PBRM1: variants seen among roughly 807,000 people sequenced by gnomAD.
PBRM1 encodes protein polybromo-1.
Under a neutral mutation model 194.5 loss-of-function variants are expected in PBRM1, and 27 were observed. The ratio of observed to expected loss-of-function variants is 0.14; its 90% CI spans 0.10 to 0.19. The LOEUF (loss-of-function observed/expected upper bound fraction) is 0.19, where lower values mean the gene tolerates loss of function less well. Among genes scored for constraint, PBRM1 ranks in the 10% least tolerant of loss-of-function variants. The pLI is 1.00. For missense variants in PBRM1, 1,466 were observed against 2,077.2 expected (o/e 0.71, Z 5.72); for synonymous variants, 655 against 693.2 (o/e 0.94, Z 0.87).
chr3:52,682,875 C>T (rs891042546), upstream of PBRM1, among the ~76,000 whole-genome samples: 1 of 152,044 alleles, frequency 6.6e-6, no homozygotes, highest in Non-Finnish European at 1.5e-5. Context: ...GACTGGCCAA[C>T]GTGGTGAAAC....
intron 13 of PBRM1, among the ~76,000 whole-genome samples, chr3:52,625,816 G>C (rs1333189197): frequency 2.0e-5 from 3 of 152,038 alleles, no homozygotes; most frequent in Non-Finnish European, 4.4e-5. Flanking sequence ...GACCTCAAGT[G>C]ATCCACCTGG....
chr3:52,612,362 A>G (rs1280113570), intron 15 of PBRM1, among the ~76,000 whole-genome samples: 3 of 151,996 alleles, frequency 2.0e-5, no homozygotes, highest in African/African-American at 7.3e-5. Context: ...ATGATACAAC[A>G]TAAGGGCAGC....
chr3:52,637,098 T>C (rs1042637970), intron 10 of PBRM1, among the ~76,000 whole-genome samples: 1 of 152,174 alleles, frequency 6.6e-6, no homozygotes, highest in Non-Finnish European at 1.5e-5. Context: ...CTGACTCTAA[T>C]ACCTCTGATC....
chr3:52,596,339 G>A (rs1367866391), intron 17 of PBRM1, among the ~76,000 whole-genome samples: 4 of 149,882 alleles, frequency 2.7e-5, no homozygotes, highest in African/African-American at 7.4e-5. Context: ...TCGGGGGGCT[G>A]AGGCAGGAGA....
chr3:52,608,100 G>A (rs1165572818), intron 16 of PBRM1, among the ~76,000 whole-genome samples: 1 of 151,974 alleles, frequency 6.6e-6, no homozygotes, highest in African/African-American at 2.4e-5. Context: ...GTGGCATGTT[G>A]TCTCATGTGT....
chr3:52,577,387 T>C (rs548338322), intron 21 of PBRM1, among the ~76,000 whole-genome samples: 5 of 130,136 alleles, frequency 3.8e-5, no homozygotes, highest in Non-Finnish European at 6.1e-5. Context: ...GCCAAGATCA[T>C]GCCACTGCAT....
chr3:52,640,290 A>G (rs1366229945), intron 10 of PBRM1, among the ~76,000 whole-genome samples: 1 of 151,344 alleles, frequency 6.6e-6, no homozygotes, highest in African/African-American at 2.4e-5. Context: ...TTTTTTATTT[A>G]TTTTTTGAGA....
chr3:52,627,430 G>A (rs2153581696), intron 12 of PBRM1, 60 bp from the exon 14 acceptor site: 1 of 940,146 alleles, frequency 1.1e-6, no homozygotes. Flanking sequence ...CTGAATATAT[G>A]AATGTTAAAG....
chr3:52,685,898 G>C, upstream of PBRM1: 2 of 631,754 alleles, frequency 3.2e-6, no homozygotes, highest in South Asian at 1.8e-5. Flanking sequence ...ACCCCTCCCG[G>C]TGCCGCCGCA....
At chr3:52,683,473 T>C (rs1219816813), upstream of PBRM1, among the ~76,000 whole-genome samples, 1 of 152,000 alleles carries the variant, frequency 6.6e-6, no homozygotes, top group East Asian at 1.9e-4. Flanking sequence ...CAGGATAGTA[T>C]TTGGTATAGG....
intron 10 of PBRM1, among the ~76,000 whole-genome samples, chr3:52,640,510 A>G (rs1323397903): frequency 3.3e-5 from 5 of 151,910 alleles, no homozygotes; most frequent in South Asian, 2.1e-4. Flanking sequence ...GGCTCAAGCA[A>G]TCCTCCCACC....
At chr3:52,647,537 C>G (rs1467330728) in intron 7 of PBRM1, among the ~76,000 whole-genome samples, 4 of 131,418 alleles carry the variant, frequency 3.0e-5, no homozygotes, top group Non-Finnish European at 6.2e-5. Flanking sequence ...ACATTCACAA[C>G]AGCATTATTT....
intron 12 of PBRM1, 143 bp from the exon 14 acceptor site, chr3:52,627,513 C>T: frequency 1.7e-6 from 1 of 586,874 alleles, no homozygotes; most frequent in South Asian, 2.2e-5. Context: ...AGTCATTAAA[C>T]ATTTTCAATA....
At chr3:52,659,040 T>C (rs1222909562) in intron 4 of PBRM1, among the ~76,000 whole-genome samples, 1 of 152,026 alleles carries the variant, frequency 6.6e-6, no homozygotes, top group Non-Finnish European at 1.5e-5. Context: ...TTACATAGAG[T>C]TGGGACTACA....
intron 6 of PBRM1, among the ~76,000 whole-genome samples, chr3:52,649,567 A>C (rs2096431347): frequency 6.6e-6 from 1 of 152,194 alleles, no homozygotes; most frequent in East Asian, 1.9e-4. Context: ...TAGTTCCTCA[A>C]CCTTTCTTCT....
chr3:52,618,281 CA>C (rs1196252343), intron 13 of PBRM1, among the ~76,000 whole-genome samples: 1 of 152,122 alleles, frequency 6.6e-6, no homozygotes, highest in African/African-American at 2.4e-5. Flanking sequence ...CTGATTTAAG[CA>C]GTATGGAACA....
intron 2 of PBRM1, among the ~76,000 whole-genome samples, chr3:52,674,210 G>A (rs1053806549): frequency 6.6e-6 from 1 of 151,766 alleles, no homozygotes; most frequent in Non-Finnish European, 1.5e-5. Context: ...AGCTGAGCAC[G>A]GTGGCTCACG....
At chr3:52,551,466 G>A (rs1292538768) in intron 27 of PBRM1, among the ~76,000 whole-genome samples, 1 of 152,088 alleles carries the variant, frequency 6.6e-6, no homozygotes, top group African/African-American at 2.4e-5. Flanking sequence ...AATGACAAAG[G>A]AACAGAGAGA....
At chr3:52,561,891 C>T (rs2083626196) in exon 25 of PBRM1, 3 of 1,614,000 alleles carry the variant, frequency 1.9e-6, no homozygotes, top group African/African-American at 1.3e-5. Context: ...CACTGCTGAA[C>T]AGGATGTAGC....
Sources: allele counts gnomAD v4.1 joint callset (sites outside exome capture counted in the v4.1 genomes callset), GRCh38; gene constraint gnomAD v4.1.1; transcripts MANE v1.5; gene names NCBI Gene and HGNC (gene_info 2026-07-23, HGNC 2026-07-21).